The following ZNF423 variants were observed in gnomAD, a reference collection of about 807,000 sequenced individuals.
ZNF423 encodes the protein zinc finger protein 423, also known as Ebf-associated zinc finger protein.
Under a neutral mutation model 95.8 loss-of-function variants are expected in ZNF423, and 12 were observed. The ratio of observed to expected loss-of-function variants is 0.13; its 90% confidence interval spans 0.08 to 0.20. The LOEUF is 0.20. Among genes scored for constraint, ZNF423 ranks in the 10% least tolerant of loss-of-function variants. The pLI is 1.00. For missense variants in ZNF423, 1,316 were observed against 1,737.1 expected (o/e 0.76, Z 4.31); for synonymous variants, 749 against 711.9 (o/e 1.05, Z -0.83).
intron 3 of ZNF423, among the ~76,000 whole-genome samples, chr16:49,677,401 G>GAGGAC (rs2031157363): frequency 9.3e-6 from 1 of 107,446 alleles, no homozygotes; most frequent in Non-Finnish European, 2.0e-5. Flanking sequence ...GAGGAGAGGA[G>GAGGAC]AGAGAGAATG....
At chr16:49,648,834 C>G (rs567392815) in intron 3 of ZNF423, among the ~76,000 whole-genome samples, 1 of 152,110 alleles carries the variant, frequency 6.6e-6, no homozygotes, top group East Asian at 1.9e-4. Flanking sequence ...GTGTGACTCA[C>G]AGATCTCCTA....
chr16:49,746,416 C>T (rs1380568416), intron 2 of ZNF423, among the ~76,000 whole-genome samples: 1 of 152,184 alleles, frequency 6.6e-6, no homozygotes. Flanking sequence ...TTATCAATCA[C>T]AGTGAAGCAC....
intron 3 of ZNF423, among the ~76,000 whole-genome samples, chr16:49,675,950 ACACACG>A (rs1159502270): frequency 6.6e-6 from 1 of 152,190 alleles, no homozygotes; most frequent in Non-Finnish European, 1.5e-5. Context: ...ACATCCACGC[ACACACG>A]CACCTGCATA....
At chr16:49,503,690 C>T (rs913248588) in intron 7 of ZNF423, among the ~76,000 whole-genome samples, 3 of 152,200 alleles carry the variant, frequency 2.0e-5, no homozygotes, top group African/African-American at 2.4e-5. Context: ...TGGTTGTTGA[C>T]GCACCATGGC....
intron 2 of ZNF423, among the ~76,000 whole-genome samples, chr16:49,759,182 G>T (rs765972384): frequency 1.3e-5 from 2 of 152,158 alleles, no homozygotes. Context: ...GGCAGATCAC[G>T]AGGCCAGGAG....
At chr16:49,523,914 G>A (rs1968503514) in intron 6 of ZNF423, among the ~76,000 whole-genome samples, 175 bp from the exon 7 acceptor site, 3 of 152,202 alleles carry the variant, frequency 2.0e-5, no homozygotes, top group Non-Finnish European at 4.4e-5. Flanking sequence ...AGTTAGATAA[G>A]CTGAGCTCCG....
chr16:49,848,603 T>C (rs900044966), intron 1 of ZNF423, among the ~76,000 whole-genome samples: 2 of 152,156 alleles, frequency 1.3e-5, no homozygotes, highest in African/African-American at 4.8e-5. Context: ...GCTGTTAAAT[T>C]AGCACATCCA....
At chr16:49,668,197 C>T (rs1234528359) in intron 3 of ZNF423, among the ~76,000 whole-genome samples, 1 of 152,146 alleles carries the variant, frequency 6.6e-6, no homozygotes, top group Non-Finnish European at 1.5e-5. Flanking sequence ...CAAGCCCCTA[C>T]CCCCCACCCA....
At chr16:49,786,987 C>T (rs1597008011) in intron 2 of ZNF423, among the ~76,000 whole-genome samples, 1 of 152,234 alleles carries the variant, frequency 6.6e-6, no homozygotes, top group East Asian at 1.9e-4. Flanking sequence ...CTAAACCAAG[C>T]CCACAGAGAA....
intron 1 of ZNF423, among the ~76,000 whole-genome samples, chr16:49,837,337 C>G (rs1033834620): frequency 2.6e-5 from 4 of 152,172 alleles, no homozygotes; most frequent in African/African-American, 9.7e-5. Context: ...CTTTCCTCAA[C>G]TGGCAAATGA....
At chr16:49,819,319 A>G (rs1428200029) in intron 1 of ZNF423, among the ~76,000 whole-genome samples, 1 of 151,878 alleles carries the variant, frequency 6.6e-6, no homozygotes, top group Non-Finnish European at 1.5e-5. Flanking sequence ...CAAAACCCAT[A>G]TGTGGCTAGT....
intron 3 of ZNF423, among the ~76,000 whole-genome samples, chr16:49,656,885 G>C (rs1464401760): frequency 6.6e-6 from 1 of 152,190 alleles, no homozygotes; most frequent in African/African-American, 2.4e-5. Flanking sequence ...AGAAAACTGA[G>C]GCTTATAAAG....
At chr16:49,587,963 T>C (rs1301409789) in intron 5 of ZNF423, among the ~76,000 whole-genome samples, 1 of 152,128 alleles carries the variant, frequency 6.6e-6, no homozygotes, top group Non-Finnish European at 1.5e-5. Flanking sequence ...GGACAGGCAA[T>C]CACTTCCTAA....
At chr16:49,727,032 A>G (rs2033037880) in intron 3 of ZNF423, among the ~76,000 whole-genome samples, 1 of 152,124 alleles carries the variant, frequency 6.6e-6, no homozygotes, top group African/African-American at 2.4e-5. Flanking sequence ...AGAAAAATCA[A>G]ACAGACATCA....
At chr16:49,615,128 T>TCA (rs557190259) in intron 5 of ZNF423, among the ~76,000 whole-genome samples, 78 of 98,532 alleles carry the variant, frequency 7.9e-4, no homozygotes, top group South Asian at 1.8e-3. Context: ...AGAAACTCCA[T>TCA]CTCACACACA....
intron 3 of ZNF423, among the ~76,000 whole-genome samples, chr16:49,652,316 G>A (rs1182144984): frequency 3.3e-5 from 5 of 151,642 alleles, no homozygotes; most frequent in South Asian, 4.2e-4. Context: ...AATTGAGCTC[G>A]AGTTTTATTG....
chr16:49,852,732 G>C (rs550211129), intron 1 of ZNF423, among the ~76,000 whole-genome samples: 4 of 151,940 alleles, frequency 2.6e-5, no homozygotes, highest in African/African-American at 7.3e-5. Context: ...AAATTACAAG[G>C]CTTCTGAAAA....
At chr16:49,601,148 C>A (rs998778214) in intron 5 of ZNF423, among the ~76,000 whole-genome samples, 2 of 152,126 alleles carry the variant, frequency 1.3e-5, no homozygotes, top group African/African-American at 4.8e-5. Flanking sequence ...CTAAAAGGGT[C>A]TCCTAGAGAA....
intron 2 of ZNF423, among the ~76,000 whole-genome samples, chr16:49,770,882 G>GC (rs1416144256): frequency 1.3e-5 from 2 of 152,216 alleles, no homozygotes; most frequent in Non-Finnish European, 2.9e-5. Context: ...AATCCAGCCA[G>GC]CCACCCCACA....
Sources: allele counts gnomAD v4.1 joint callset (sites outside exome capture counted in the v4.1 genomes callset), GRCh38; gene constraint gnomAD v4.1.1; transcripts MANE v1.5; gene names NCBI Gene and HGNC (gene_info 2026-07-23, HGNC 2026-07-21).